The following ITM2B variants were observed in gnomAD, a reference collection of about 807,000 sequenced individuals.
ITM2B encodes the protein integral membrane protein 2B.
ITM2B carries 11 observed loss-of-function variants against 27.8 expected under a neutral mutation model. The observed-to-expected ratio is 0.40, with a 90% confidence interval of 0.25 to 0.66. The LOEUF is 0.66. ITM2B is among the 30% of genes least tolerant of loss of function. ITM2B has a pLI of 0.43. For missense variants in ITM2B, 296 were observed against 328.9 expected, an observed-to-expected ratio of 0.90 and a Z score of 0.77; for synonymous variants, 114 against 114.3, an observed-to-expected ratio of 1.00 and a Z score of 0.02.
At chr13:48,251,826 C>T (rs1951757760) in intron 1 of ITM2B, among the ~76,000 whole-genome samples, 1 of 152,144 alleles carries the variant, frequency 6.6e-6, no homozygotes, top group Non-Finnish European at 1.5e-5. Context: ...TTTCTTACCT[C>T]CTTAGATATT....
At chr13:48,254,503 C>G (rs1344233196) in intron 2 of ITM2B, among the ~76,000 whole-genome samples, 2 of 152,106 alleles carry the variant, frequency 1.3e-5, no homozygotes, top group African/African-American at 4.8e-5. Flanking sequence ...TGGGTTAAGA[C>G]AAAGGTCTTC....
intron 1 of ITM2B, among the ~76,000 whole-genome samples, chr13:48,252,574 CTG>C (rs1275147526): frequency 6.6e-6 from 1 of 152,210 alleles, no homozygotes; most frequent in Non-Finnish European, 1.5e-5. Context: ...CTCAGTCTGT[CTG>C]TGGAAAAATT....
At chr13:48,233,575 G>C (rs978793378) in intron 1 of ITM2B, 98 bp downstream of exon 1, 1 of 698,910 alleles carries the variant, frequency 1.4e-6, no homozygotes, top group Non-Finnish European at 2.2e-6. Flanking sequence ...GCGGGCGCGG[G>C]GCTCGCGCCG....
intron 2 of ITM2B, among the ~76,000 whole-genome samples, chr13:48,255,219 G>T (rs1249864046): frequency 7.3e-6 from 1 of 137,686 alleles, no homozygotes; most frequent in Non-Finnish European, 1.5e-5. Context: ...TATTGTGTGT[G>T]TAGTGTGTGT....
chr13:48,240,599 G>A (rs1203597294), intron 1 of ITM2B, among the ~76,000 whole-genome samples: 1 of 152,132 alleles, frequency 6.6e-6, no homozygotes, highest in Non-Finnish European at 1.5e-5. Flanking sequence ...GGTAAAGATT[G>A]ATTCCTGCAA....
chr13:48,245,816 G>A (rs549946865), intron 1 of ITM2B, among the ~76,000 whole-genome samples: 5 of 146,810 alleles, frequency 3.4e-5, no homozygotes, highest in African/African-American at 5.1e-5. Context: ...TTTCTCTGTC[G>A]CCCAGGCTGG....
rs1259047841 is a variant in ITM2B, at chr13:48,264,096, T to C, written c.*2872T>C. On this transcript the variant is annotated 3_prime_UTR_variant, in exon 6 of 6. Transcript: ENST00000647800. ...ATCTTGACAAGTTGTTGGCCGTGATTGCTCTTTTGTGATGCAGGAGTGAGA... is the reference window on the plus strand; with the variant it reads ...ATCTTGACAAGTTGTTGGCCGTGATCGCTCTTTTGTGATGCAGGAGTGAGA... 1 of 152,168 alleles carries C rather than the reference T, an allele frequency of 6.6e-6. No individual in the cohort carries two copies. Among genetic ancestry groups the C allele is most frequent in the Non-Finnish European group, 1.5e-5 (1 of 68,038 alleles). 9.4% of individuals were successfully genotyped at this position (152,168 alleles called of 1,614,324 possible).
chr13:48,233,584 CG>C, intron 1 of ITM2B, 107 bp downstream of exon 1: 1 of 629,490 alleles, frequency 1.6e-6, no homozygotes, highest in Non-Finnish European at 2.5e-6. Flanking sequence ...GGGCTCGCGC[CG>C]CGGGGACAAG....
At chr13:48,252,309 C>T (rs577270198) in intron 1 of ITM2B, among the ~76,000 whole-genome samples, 32 of 152,190 alleles carry the variant, frequency 2.1e-4, no homozygotes, top group South Asian at 4.1e-4. Context: ...GTTCTAATAC[C>T]GGGGTCCCCA....
chr13:48,256,031 C>G (rs1220973748), intron 2 of ITM2B, 146 bp from the exon 3 acceptor site: 2 of 674,930 alleles, frequency 3.0e-6, no homozygotes, highest in Non-Finnish European at 5.3e-6. Flanking sequence ...TATGTTAACT[C>G]TGTAATTAAA....
rs749149409 is a variant in ITM2B, at chr13:48,258,344, G to A, written c.564+108G>A. ...GCCCATTTTATCAGACTGTAGTTAA[G>A]AATTTTACAAAGAGGAACTAATACT... On this transcript the variant is annotated intron_variant, in intron 4 of 5. Coordinates refer to ENST00000647800, the MANE Select transcript of ITM2B (RefSeq NM_021999.5). 20 of 737,556 alleles carry A rather than the reference G, an allele frequency of 2.7e-5. No individual in the cohort carries two copies. In the Middle Eastern group the frequency reaches 7.1e-4, roughly 26 times the overall value. The allele number at this position is 737,556 out of a possible 1,614,324, so 45.7% of individuals were successfully genotyped here.
intron 1 of ITM2B, among the ~76,000 whole-genome samples, chr13:48,235,269 C>G (rs1014090678): frequency 2.6e-5 from 4 of 152,174 alleles, no homozygotes; most frequent in African/African-American, 9.7e-5. Context: ...CTCACGAGTT[C>G]ACCATATTTA....
At position 48,268,865 on chromosome 13, in the gene ITM2B, A is replaced by G. The variant is rs185035870; in HGVS notation, c.*7641A>G. The G allele has an allele frequency of 2.6e-5, 4 of 152,332 alleles. No individual in the cohort carries two copies. In the East Asian group the frequency reaches 7.7e-4, roughly 29 times the overall value. 9.4% of individuals were successfully genotyped at this position (152,332 alleles called of 1,614,324 possible). A position where few individuals can be genotyped will look rare whatever the true frequency, so the allele number is the denominator to read the frequency against. ...ATGACAATGCAGGAGTCCAAGTATT[A>G]TTAGGTTTACAGTCATAACAAACAC... On this transcript the variant is annotated 3_prime_UTR_variant, in exon 6 of 6. Coordinates refer to ENST00000647800, the MANE Select transcript of ITM2B (RefSeq NM_021999.5).
chr13:48,258,654 G>A (rs774019901), intron 4 of ITM2B, 143 bp from the exon 5 acceptor site: 5 of 756,958 alleles, frequency 6.6e-6, no homozygotes, highest in African/African-American at 1.7e-5. Context: ...GGACAACATA[G>A]TGAGAACATA....
rs1021497624 is a variant in ITM2B at position 48,265,451 on chromosome 13, T to G, written c.*4227T>G. 6.6e-6 allele frequency: 1 copy of G among 152,284 alleles called. No homozygotes were observed. Among genetic ancestry groups the G allele is most frequent in the Non-Finnish European group, 1.5e-5 (1 of 68,096 alleles). The allele number at this position is 152,284 out of a possible 1,614,324, so 9.4% of individuals were successfully genotyped here. A position where few individuals can be genotyped will look rare whatever the true frequency, so the allele number is the denominator to read the frequency against. On this transcript the variant is annotated 3_prime_UTR_variant, in exon 6 of 6. Coordinates refer to ENST00000647800, the MANE Select transcript of ITM2B (RefSeq NM_021999.5). ...ACCTCCTAGCAGCTTCCTGCTGTTCTGCTCTAGTGGTTCTCTCTGCTTCCC... is the reference window on the plus strand; with the variant it reads ...ACCTCCTAGCAGCTTCCTGCTGTTCGGCTCTAGTGGTTCTCTCTGCTTCCC...
Position 48,264,927 on chromosome 13 carries a change from AT to A in ITM2B, c.*3706del, listed in dbSNP as rs1951844170. 1 of 152,092 alleles carries A rather than the reference AT, an allele frequency of 6.6e-6. No homozygotes were observed. Among genetic ancestry groups the A allele is most frequent in the Non-Finnish European group, 1.5e-5 (1 of 68,020 alleles). 9.4% of individuals were successfully genotyped at this position (152,092 alleles called of 1,614,324 possible). A position where few individuals can be genotyped will look rare whatever the true frequency, so the allele number is the denominator to read the frequency against. Reference sequence around the variant, plus strand: ...TTACTGAATTTTGAGGCCATAAATTATTTCCTGATAGCACACATGTATGGGT... The same window carrying A: ...TTACTGAATTTTGAGGCCATAAATTATTCCTGATAGCACACATGTATGGGT... On this transcript the variant is annotated 3_prime_UTR_variant, in exon 6 of 6. Coordinates refer to ENST00000647800, the MANE Select transcript of ITM2B (RefSeq NM_021999.5).
chr13:48,268,705 T>A lies in ITM2B; in HGVS notation c.*7481T>A, dbSNP rs1309047937. The A allele has an allele frequency of 6.6e-6, 1 of 152,208 alleles. No individual in the cohort carries two copies. The highest frequency in any genetic ancestry group is 1.5e-5 in the Non-Finnish European group (1 of 68,028). 9.4% of individuals were successfully genotyped at this position (152,208 alleles called of 1,614,324 possible). On this transcript the variant is annotated 3_prime_UTR_variant, in exon 6 of 6. Transcript: ENST00000647800. ...TTGGGAAGTATGAATAAAGTTGCTATGAACATGCATGTACAAGTCTTTGTA... is the reference window on the plus strand; with the variant it reads ...TTGGGAAGTATGAATAAAGTTGCTAAGAACATGCATGTACAAGTCTTTGTA...
rs1037180597 is a variant in ITM2B at position 48,241,350 on chromosome 13, T to G, written c.117+7873T>G. Among the ~76,000 whole-genome samples the G allele has an allele frequency of 4.6e-5, 7 of 152,182 alleles. No individual in the cohort carries two copies. The East Asian group carries it at 7.7e-4, about 17-fold the overall frequency. On this transcript the variant is annotated intron_variant, in intron 1 of 5. Coordinates refer to ENST00000647800, the MANE Select transcript of ITM2B (RefSeq NM_021999.5). ...CCTCAGTCTCCCGAGTAGCTGGGAT[T>G]ACAGGTGCCCACCACCACTCCCAGC...
chr13:48,262,724 AG>A lies in ITM2B; in HGVS notation c.*1502del, dbSNP rs1202547260. ...CTGCCGTCGTGGAGACTCACAATCT[AG>A]GAAAAGAGAGGGACAGCAAACAACT... On this transcript the variant is annotated 3_prime_UTR_variant, in exon 6 of 6. Coordinates refer to ENST00000647800, the MANE Select transcript of ITM2B (RefSeq NM_021999.5). 6.6e-6 allele frequency: 1 copy of A among 152,216 alleles called. No individual in the cohort carries two copies. Among genetic ancestry groups the A allele is most frequent in the Non-Finnish European group, 1.5e-5 (1 of 68,044 alleles). The allele number at this position is 152,216 out of a possible 1,614,324, so 9.4% of individuals were successfully genotyped here.
Sources: allele counts gnomAD v4.1 joint callset (sites outside exome capture counted in the v4.1 genomes callset), GRCh38; gene constraint gnomAD v4.1.1; transcripts MANE v1.5; gene names NCBI Gene and HGNC (gene_info 2026-07-23, HGNC 2026-07-21).